The following LUZP2 variants were observed in gnomAD, a reference collection of about 807,000 sequenced individuals.
LUZP2 encodes leucine zipper protein 2.
LUZP2 carries 52 observed loss-of-function variants against 51.6 expected under a neutral mutation model. The observed-to-expected ratio is 1.01, with a 90% CI of 0.81 to 1.27. The LOEUF (loss-of-function observed/expected upper bound fraction) is 1.27, where lower values mean the gene tolerates loss of function less well. LUZP2 is among the 50% of genes most tolerant of loss of function. The pLI, the probability that LUZP2 is intolerant of heterozygous loss-of-function variation, is 0.00. For missense variants in LUZP2, 436 were observed against 395.4 expected, an observed-to-expected ratio of 1.10 and a Z score of -0.87; for synonymous variants, 154 against 137.3, an observed-to-expected ratio of 1.12 and a Z score of -0.85.
intron 5 of LUZP2, among the ~76,000 whole-genome samples, chr11:24,876,164 C>T (rs11028241): frequency 0.52 from 76,119 of 145,058 alleles, 20,399 homozygotes; most frequent in East Asian, 0.74. Context: ...AGACATGAAG[C>T]CCTTGCCCAT....
At chr11:24,734,019 C>T (rs1858831861) in intron 3 of LUZP2, among the ~76,000 whole-genome samples, 1 of 151,486 alleles carries the variant, frequency 6.6e-6, no homozygotes, top group African/African-American at 2.4e-5. Context: ...ATAGGGAATC[C>T]CTTTTAGGTA....
intron 1 of LUZP2, among the ~76,000 whole-genome samples, chr11:24,681,178 T>C (rs1467857324): frequency 1.3e-5 from 2 of 151,926 alleles, no homozygotes; most frequent in African/African-American, 2.4e-5. Flanking sequence ...AGACGGGGTT[T>C]CACCTTGTTA....
chr11:24,549,300 C>T (rs58587624), intron 1 of LUZP2, among the ~76,000 whole-genome samples: 5,997 of 152,156 alleles, frequency 0.039, 361 homozygotes, highest in African/African-American at 0.14. Context: ...ATCACTGTCA[C>T]GCATCTTTAC....
chr11:24,707,861 A>G (rs1278254713), intron 1 of LUZP2, among the ~76,000 whole-genome samples: 1 of 152,218 alleles, frequency 6.6e-6, no homozygotes, highest in Admixed American at 6.5e-5. Context: ...GTGCACCCTT[A>G]CAGATGGAAT....
intron 5 of LUZP2, among the ~76,000 whole-genome samples, chr11:24,896,750 A>C (rs1853074993): frequency 6.6e-6 from 1 of 152,228 alleles, no homozygotes; most frequent in Non-Finnish European, 1.5e-5. Context: ...AGGGGAAGCC[A>C]GCTGGGCTCT....
intron 1 of LUZP2, among the ~76,000 whole-genome samples, chr11:24,677,835 G>A (rs1856614931): frequency 6.6e-6 from 1 of 151,996 alleles, no homozygotes; most frequent in Non-Finnish European, 1.5e-5. Flanking sequence ...CGATCACGAG[G>A]TCAGGAGATC....
chr11:25,018,085 TC>T lies in LUZP2; in HGVS notation c.766-31952del, dbSNP rs1263162625. ...GCAGCTGTTTTAAAAAGGATTGAGT[TC>T]TTGACTTCTTGATTTGATATTCAGC... On this transcript the variant is annotated intron_variant, in intron 9 of 11. Coordinates refer to ENST00000336930, the MANE Select transcript of LUZP2 (RefSeq NM_001009909.4). Among the ~76,000 whole-genome samples the T allele has an allele frequency of 1.8e-4, 24 of 132,476 alleles. No homozygotes were observed. In the Admixed American group the frequency reaches 1.9e-3, roughly 11 times the overall value. 86.9% of individuals were successfully genotyped at this position (132,476 alleles called of 152,430 possible). A position where few individuals can be genotyped will look rare whatever the true frequency, so the allele number is the denominator to read the frequency against.
chr11:24,593,993 A>G (rs912307061), intron 1 of LUZP2, among the ~76,000 whole-genome samples: 6 of 152,204 alleles, frequency 3.9e-5, no homozygotes. Context: ...TTGCTGTTGT[A>G]TATACCTGCC....
intron 9 of LUZP2, among the ~76,000 whole-genome samples, chr11:24,985,131 T>C (rs1379691185): frequency 6.6e-6 from 1 of 151,780 alleles, no homozygotes; most frequent in Admixed American, 6.6e-5. Context: ...GTGTTTTGTA[T>C]TCAACTACAT....
chr11:24,539,638 A>G (rs1192628586), intron 1 of LUZP2, among the ~76,000 whole-genome samples: 4 of 152,040 alleles, frequency 2.6e-5, no homozygotes, highest in South Asian at 2.1e-4. Context: ...TAAACTATCT[A>G]TGGACATAAG....
At chr11:24,576,463 T>C (rs756450738) in intron 1 of LUZP2, among the ~76,000 whole-genome samples, 10 of 151,168 alleles carry the variant, frequency 6.6e-5, no homozygotes, top group Non-Finnish European at 1.3e-4. Context: ...TCAAGCCATA[T>C]TTGACACAGG....
At chr11:24,566,856 ATAATG>A (rs1852249342) in intron 1 of LUZP2, among the ~76,000 whole-genome samples, 1 of 131,460 alleles carries the variant, frequency 7.6e-6, no homozygotes, top group Non-Finnish European at 1.7e-5. Flanking sequence ...ATATACATAT[ATAATG>A]TATATACACA....
Position 24,965,953 on chromosome 11 carries a change from A to C in LUZP2, c.523-10638A>C, listed in dbSNP as rs141027751. ...AATCTGAGATCAAACAGTAAGTGGC[A>C]AAGATAATGCAATAACTGTGACTCA... is the stretch of plus-strand genomic sequence containing the variant. On this transcript the variant is annotated intron_variant, in intron 7 of 11. Coordinates refer to ENST00000336930, the MANE Select transcript of LUZP2 (RefSeq NM_001009909.4). 9.9e-3 allele frequency among the ~76,000 whole-genome samples: 1,497 copies of C among 151,864 alleles called. 30 individuals are homozygous for C. The highest frequency in any genetic ancestry group is 0.034 in the African/African-American group (1,421 of 41,528).
Position 25,080,464 on chromosome 11 carries a change from A to G in LUZP2, c.*1806A>G, listed in dbSNP as rs1859431709. 1 of 140,860 alleles carries G rather than the reference A, an allele frequency of 7.1e-6. No homozygotes were observed. The highest frequency in any genetic ancestry group is 1.6e-5 in the Non-Finnish European group (1 of 64,096). 8.7% of individuals were successfully genotyped at this position (140,860 alleles called of 1,614,324 possible). On this transcript the variant is annotated 3_prime_UTR_variant, in exon 12 of 12. Transcript: ENST00000336930. Reference sequence around the variant, plus strand: ...AAATCAAGGAGCATTCATATTTTTCATAAAACCGGCTACCCAAGGAAAAAA... The same window carrying G: ...AAATCAAGGAGCATTCATATTTTTCGTAAAACCGGCTACCCAAGGAAAAAA...
At chr11:24,776,739 A>G (rs1218346776) in intron 5 of LUZP2, among the ~76,000 whole-genome samples, 2 of 152,164 alleles carry the variant, frequency 1.3e-5, no homozygotes, top group African/African-American at 2.4e-5. Flanking sequence ...CTACATTCAG[A>G]TACTCCATAA....
At chr11:24,595,129 C>T (rs1251318696) in intron 1 of LUZP2, among the ~76,000 whole-genome samples, 2 of 149,274 alleles carry the variant, frequency 1.3e-5, no homozygotes, top group African/African-American at 5.0e-5. Flanking sequence ...AATTCTTACA[C>T]AGAGGCAATT....
chr11:24,677,067 T>C (rs991427013), intron 1 of LUZP2, among the ~76,000 whole-genome samples: 1 of 152,136 alleles, frequency 6.6e-6, no homozygotes, highest in African/African-American at 2.4e-5. Flanking sequence ...ACTAATAAAA[T>C]GTGTAGCTTT....
intron 5 of LUZP2, among the ~76,000 whole-genome samples, chr11:24,876,667 G>A (rs1717871827): frequency 6.6e-6 from 1 of 151,992 alleles, no homozygotes; most frequent in South Asian, 2.1e-4. Context: ...GGATGGCATT[G>A]AGTCTATAAA....
intron 1 of LUZP2, among the ~76,000 whole-genome samples, chr11:24,666,298 T>C (rs2133992462): frequency 6.6e-6 from 1 of 152,124 alleles, no homozygotes; most frequent in East Asian, 1.9e-4. Flanking sequence ...TCTTAACTAG[T>C]GAAAGAGCAC....
Sources: gnomAD v4.1 joint callset for allele counts (sites outside exome capture counted in the v4.1 genomes callset) on GRCh38, gnomAD v4.1.1 for gene constraint, MANE v1.5 for transcripts, NCBI Gene and HGNC (gene_info 2026-07-23, HGNC 2026-07-21) for gene names.